The following BNC2 variants were observed in gnomAD, a reference collection of about 807,000 sequenced individuals.
The protein encoded by BNC2 is zinc finger protein basonuclin-2.
In BNC2, 20 loss-of-function variants were observed where a neutral mutation model predicts 76.3. That is an observed-to-expected ratio of 0.26 (90% CI 0.18 to 0.38). BNC2 has a LOEUF of 0.38. Ranked by LOEUF, BNC2 falls within the 10% of genes least tolerant of loss-of-function variation. The pLI, the probability that BNC2 is intolerant of heterozygous loss-of-function variation, is 1.00. For synonymous variants in BNC2, 582 were observed against 514.8 expected (o/e 1.13, Z -1.77); for missense variants, 1,382 against 1,399.8 (o/e 0.99, Z 0.20).
At chr9:16,485,925 G>A (rs1372594465) in intron 5 of BNC2, among the ~76,000 whole-genome samples, 1 of 152,214 alleles carries the variant, frequency 6.6e-6, no homozygotes, top group Non-Finnish European at 1.5e-5. Context: ...TACTTGTGAT[G>A]GCTTTCCAGG....
At position 16,429,147 on chromosome 9, in the gene BNC2, G is replaced by C. The variant is rs4601432; in HGVS notation, c.2639+6408C>G. Among the ~76,000 whole-genome samples, 150 of 152,142 alleles carry C rather than the reference G, an allele frequency of 9.9e-4. No individual in the cohort carries two copies. The East Asian group carries it at 0.016, about 16-fold the overall frequency. ...TGGCAAGCACATTATTTCTGAGAAG[G>C]CTTTAAAAAAAGAAAAAAAATGCTT... is the stretch of plus-strand genomic sequence containing the variant. On this transcript the variant is annotated intron_variant, in intron 6 of 6. Coordinates refer to ENST00000380672, the MANE Select transcript of BNC2 (RefSeq NM_017637.6).
intron 5 of BNC2, among the ~76,000 whole-genome samples, chr9:16,519,789 T>C (rs972050597): frequency 6.6e-6 from 1 of 152,246 alleles, no homozygotes; most frequent in African/African-American, 2.4e-5. Context: ...TTAAGTAATT[T>C]GCTCAAGTCA....
chr9:16,809,122 C>T (rs554822178), intron 1 of BNC2, among the ~76,000 whole-genome samples: 1 of 152,250 alleles, frequency 6.6e-6, no homozygotes, highest in East Asian at 1.9e-4. Flanking sequence ...GTTGTTTCGG[C>T]TGAGGCTTAA....
At chr9:16,560,809 G>A (rs1163245341) in intron 4 of BNC2, among the ~76,000 whole-genome samples, 1 of 152,206 alleles carries the variant, frequency 6.6e-6, no homozygotes, top group Admixed American at 6.5e-5. Context: ...TTTAATTAAA[G>A]CAATAGTTGT....
At chr9:16,868,453 G>A (rs1351248712) in intron 1 of BNC2, among the ~76,000 whole-genome samples, 1 of 152,102 alleles carries the variant, frequency 6.6e-6, no homozygotes, top group Non-Finnish European at 1.5e-5. Flanking sequence ...TCAGGTAGTA[G>A]GAATGTACTG....
chr9:16,631,244 A>G (rs1244969141), intron 3 of BNC2, among the ~76,000 whole-genome samples: 1 of 152,232 alleles, frequency 6.6e-6, no homozygotes, highest in Non-Finnish European at 1.5e-5. Flanking sequence ...TACATAATTA[A>G]TGAACCACAG....
chr9:16,636,533 G>T (rs2133803631), intron 3 of BNC2, among the ~76,000 whole-genome samples: 1 of 152,106 alleles, frequency 6.6e-6, no homozygotes, highest in Non-Finnish European at 1.5e-5. Context: ...GAACTCCTGA[G>T]CTCATGCGAT....
At chr9:16,683,466 G>C (rs942971584) in intron 3 of BNC2, among the ~76,000 whole-genome samples, 1 of 152,170 alleles carries the variant, frequency 6.6e-6, no homozygotes, top group African/African-American at 2.4e-5. Flanking sequence ...AAAACCTCTA[G>C]TGATGATAAT....
intron 1 of BNC2, among the ~76,000 whole-genome samples, chr9:16,840,013 A>G (rs527739480): frequency 3.9e-5 from 6 of 152,356 alleles, no homozygotes; most frequent in African/African-American, 7.2e-5. Flanking sequence ...ATCAATATTG[A>G]TAAGAGTTGA....
intron 5 of BNC2, among the ~76,000 whole-genome samples, chr9:16,504,358 AG>A (rs1248543396): frequency 3.0e-5 from 4 of 131,518 alleles, no homozygotes; most frequent in African/African-American, 7.6e-5. Context: ...CCAGAATCCA[AG>A]TCCACATATT....
intron 1 of BNC2, among the ~76,000 whole-genome samples, chr9:16,776,403 GTGCTAGGAT>G (rs1825969718): frequency 6.6e-6 from 1 of 152,150 alleles, no homozygotes; most frequent in Non-Finnish European, 1.5e-5. Flanking sequence ...GCCTCCAAAA[GTGCTAGGAT>G]TACAGGGGTG....
At chr9:16,420,296 A>C (rs972144436) in intron 6 of BNC2, among the ~76,000 whole-genome samples, 5 of 152,168 alleles carry the variant, frequency 3.3e-5, no homozygotes, top group Non-Finnish European at 7.4e-5. Context: ...TTTTAACAAC[A>C]CGAATGCCTT....
At chr9:16,708,804 C>CA (rs938575654) in intron 3 of BNC2, among the ~76,000 whole-genome samples, 2 of 152,018 alleles carry the variant, frequency 1.3e-5, no homozygotes, top group African/African-American at 4.8e-5. Flanking sequence ...CACAACAAAA[C>CA]AGTGGATCAG....
chr9:16,426,004 C>T (rs189137114), intron 6 of BNC2, among the ~76,000 whole-genome samples: 4 of 152,246 alleles, frequency 2.6e-5, no homozygotes, highest in East Asian at 3.9e-4. Flanking sequence ...GTACCTGTTG[C>T]GCTGTAATGT....
chr9:16,724,616 T>G (rs1405417353), intron 3 of BNC2, among the ~76,000 whole-genome samples: 2 of 152,118 alleles, frequency 1.3e-5, no homozygotes, highest in Non-Finnish European at 2.9e-5. Flanking sequence ...GGGCACATAC[T>G]TCATCCCACT....
intron 1 of BNC2, among the ~76,000 whole-genome samples, chr9:16,764,667 T>C (rs949405937): frequency 1.3e-5 from 2 of 151,708 alleles, no homozygotes; most frequent in African/African-American, 4.8e-5. Context: ...ACTACTAATA[T>C]AACATTTTAA....
At chr9:16,567,396 T>C (rs1819200094) in intron 4 of BNC2, among the ~76,000 whole-genome samples, 2 of 152,308 alleles carry the variant, frequency 1.3e-5, no homozygotes, top group African/African-American at 2.4e-5. Context: ...TTTTCAAATG[T>C]ATAAAATAGT....
At chr9:16,852,447 A>G (rs946507747) in intron 1 of BNC2, among the ~76,000 whole-genome samples, 9 of 152,192 alleles carry the variant, frequency 5.9e-5, no homozygotes, top group African/African-American at 2.2e-4. Flanking sequence ...ACTATTGATA[A>G]AGAATCCGTT....
intron 4 of BNC2, among the ~76,000 whole-genome samples, 187 bp from the exon 5 acceptor site, chr9:16,552,952 C>G (rs1487656518): frequency 6.6e-6 from 1 of 152,144 alleles, no homozygotes; most frequent in Non-Finnish European, 1.5e-5. Flanking sequence ...CTGTTTTACC[C>G]CTTTTCTTTC....
Sources: allele counts gnomAD v4.1 joint callset (sites outside exome capture counted in the v4.1 genomes callset), GRCh38; gene constraint gnomAD v4.1.1; transcripts MANE v1.5; gene names NCBI Gene and HGNC (gene_info 2026-07-23, HGNC 2026-07-21).